The following EIF4G3 variants were observed in gnomAD, a reference collection of about 807,000 sequenced individuals.
EIF4G3 encodes eukaryotic translation initiation factor 4 gamma 3.
A neutral mutation model predicts 186.4 loss-of-function variants in EIF4G3; 34 were observed. That is an observed-to-expected ratio of 0.18 (90% CI 0.14 to 0.24). The LOEUF is 0.24. Among genes scored for constraint, EIF4G3 ranks in the 10% least tolerant of loss-of-function variants. The probability of loss-of-function intolerance (pLI) is 1.00; values close to 1 mark genes in which losing one functional copy is unlikely to be tolerated. For synonymous variants in EIF4G3, 673 were observed against 679.5 expected (o/e 0.99, Z 0.15); for missense variants, 1,536 against 1,948.5 (o/e 0.79, Z 3.99).
At chr1:20,807,594 G>A in intron 36 of EIF4G3, 94 bp from the exon 37 acceptor site, 3 of 1,108,928 alleles carry the variant, frequency 2.7e-6, no homozygotes, top group Non-Finnish European at 3.6e-6. Flanking sequence ...GAATAAATGT[G>A]CATTAATTCC....
chr1:21,059,737 A>G (rs2094787518), intron 3 of EIF4G3, among the ~76,000 whole-genome samples: 1 of 152,236 alleles, frequency 6.6e-6, no homozygotes, highest in Non-Finnish European at 1.5e-5. Context: ...TGTATGTTCT[A>G]CTATGGACTT....
At chr1:20,899,561 G>T in intron 16 of EIF4G3, 136 bp downstream of exon 16, 1 of 1,106,594 alleles carries the variant, frequency 9.0e-7, no homozygotes. Context: ...ACTTGGGCTT[G>T]CTGATCTGTC....
chr1:20,822,693 G>C (rs751095284), intron 33 of EIF4G3, among the ~76,000 whole-genome samples: 22 of 150,718 alleles, frequency 1.5e-4, no homozygotes, highest in Non-Finnish European at 2.5e-4. Context: ...CAAAGTGTTG[G>C]GATTATAGGC....
chr1:20,840,262 G>C (rs1220802396), intron 30 of EIF4G3, among the ~76,000 whole-genome samples: 3 of 152,176 alleles, frequency 2.0e-5, no homozygotes, highest in Non-Finnish European at 4.4e-5. Flanking sequence ...ACCAGAACCT[G>C]ATCAAATGAG....
chr1:20,832,385 T>C, intron 30 of EIF4G3, among the ~76,000 whole-genome samples: 2 of 54,392 alleles, frequency 3.7e-5, no homozygotes, highest in African/African-American at 5.1e-5. Context: ...TTTCATGTGT[T>C]TTTTGGCTGC....
chr1:21,053,875 G>A (rs191597741), intron 3 of EIF4G3, among the ~76,000 whole-genome samples: 50,696 of 144,150 alleles, frequency 0.35, 8,891 homozygotes, highest in Non-Finnish European at 0.41. Flanking sequence ...CCGGCCAGCC[G>A]CCCCGTCTGC....
At position 21,051,565 on chromosome 1, in the gene EIF4G3, T is replaced by C. The variant is rs137926334; in HGVS notation, c.-195-571A>G. Among the ~76,000 whole-genome samples the C allele has an allele frequency of 4.1e-3, 617 of 152,310 alleles. 7 individuals carry two copies. The highest frequency in any genetic ancestry group is 0.013 in the African/African-American group (548 of 41,564). On this transcript the variant is annotated intron_variant, in intron 3 of 36. Coordinates refer to ENST00000602326, the MANE Select transcript of EIF4G3 (RefSeq NM_001391906.1). ...TCTCATTTTTGTCTTTAAAAACATA[T>C]ATCTGGCCAGATGCTGTGGCTTATG...
At position 21,002,693 on chromosome 1, in the gene EIF4G3, T is replaced by C. The variant is rs530346600; in HGVS notation, c.30+20A>G. ...ACACAGGTAGAGAATGTAATTTGGT[T>C]CAAGCTTCTGCTTACTTACCGGAGA... On this transcript the variant is annotated intron_variant, in intron 5 of 36. Coordinates refer to ENST00000602326, the MANE Select transcript of EIF4G3 (RefSeq NM_001391906.1). 3 of 1,612,260 alleles carry C rather than the reference T, an allele frequency of 1.9e-6. No homozygotes were observed. In the South Asian group the frequency reaches 3.3e-5, roughly 18 times the overall value.
chr1:20,941,764 G>A lies in EIF4G3; in HGVS notation c.1390C>T (p.Pro464Ser). Residue 464 changes from proline (P) to serine (S), a missense_variant, in exon 14 of 37, where the codon CCT becomes TCT. By Grantham distance (74) the Pro-to-Ser change is moderately conservative (BLOSUM62 -1). Around this residue, in one of 11 missense-constraint regions of EIF4G3, gnomAD observed 560 missense variants for 547.8 expected, o/e 1.02. Coordinates refer to ENST00000602326, the MANE Select transcript of EIF4G3 (RefSeq NM_001391906.1). ...KLECIPAPITPSTVPSFPPTP... is the reference protein window; with the variant it reads ...KLECIPAPITSSTVPSFPPTP... ...GGAGGAAAGGAAGGAACTGTGGAAGGGGTGATGGGAGCTGGGATACACTCC... is the reference window on the plus strand; with the variant it reads ...GGAGGAAAGGAAGGAACTGTGGAAGAGGTGATGGGAGCTGGGATACACTCC... 1.9e-6 allele frequency: 3 copies of A among 1,611,786 alleles called. No individual in the cohort carries two copies. The highest frequency in any genetic ancestry group is 2.5e-6 in the Non-Finnish European group (3 of 1,178,770).
At chr1:21,099,835 A>G (rs897626005) in intron 2 of EIF4G3, among the ~76,000 whole-genome samples, 1 of 152,212 alleles carries the variant, frequency 6.6e-6, no homozygotes, top group South Asian at 2.1e-4. Flanking sequence ...TAAGCAATAG[A>G]GTCACCATAT....
intron 3 of EIF4G3, among the ~76,000 whole-genome samples, chr1:21,053,440 C>A (rs1380095509): frequency 1.3e-5 from 2 of 151,196 alleles, no homozygotes; most frequent in African/African-American, 4.9e-5. Flanking sequence ...CACCCCCCGG[C>A]CAGCCGCCCC....
Position 20,942,146 on chromosome 1 carries a change from T to C in EIF4G3, c.1008A>G (p.Ala336=). 6.2e-7 allele frequency: 1 copy of C among 1,614,110 alleles called. No homozygotes were observed. Among genetic ancestry groups the C allele is most frequent in the Non-Finnish European group, 8.5e-7 (1 of 1,179,988 alleles). The change falls in exon 14 of 37, where the codon GCA becomes GCG. Residue 336 remains alanine, a synonymous_variant. Transcript: ENST00000602326. ...TVSSVARSTI[A]APTSSALSSQ... ...TACTAAGAGCAGAAGAGGTGGGGGC[T>C]GCAATTGTACTTCGAGCAACAGAAG...
At chr1:21,144,021 C>G (rs1256169835) in intron 2 of EIF4G3, among the ~76,000 whole-genome samples, 1 of 152,176 alleles carries the variant, frequency 6.6e-6, no homozygotes, top group Non-Finnish European at 1.5e-5. Context: ...GCATGAGACA[C>G]TATGCCAGAC....
At chr1:21,092,442 CTCT>C (rs1463560702) in intron 2 of EIF4G3, among the ~76,000 whole-genome samples, 1 of 152,080 alleles carries the variant, frequency 6.6e-6, no homozygotes, top group Non-Finnish European at 1.5e-5. Context: ...GTCTAAAATT[CTCT>C]TTTTTTGTTG....
chr1:20,928,100 T>G (rs17450586), intron 14 of EIF4G3, among the ~76,000 whole-genome samples: 59,715 of 151,944 alleles, frequency 0.39, 12,468 homozygotes, highest in Middle Eastern at 0.52. Flanking sequence ...GGTGGTACAT[T>G]CAATACCAAG....
intron 2 of EIF4G3, among the ~76,000 whole-genome samples, chr1:21,170,258 AG>A (rs2097932116): frequency 6.6e-6 from 1 of 152,206 alleles, no homozygotes; most frequent in South Asian, 2.1e-4. Context: ...GCAGTATTCT[AG>A]GTGCTAGCAA....
chr1:21,107,905 T>C (rs1333510483), intron 2 of EIF4G3, among the ~76,000 whole-genome samples: 1 of 152,234 alleles, frequency 6.6e-6, no homozygotes, highest in Non-Finnish European at 1.5e-5. Context: ...CCCAGAACTT[T>C]GGGAGGCCAA....
intron 4 of EIF4G3, among the ~76,000 whole-genome samples, chr1:21,013,986 A>G (rs1185888250): frequency 6.6e-6 from 1 of 152,216 alleles, no homozygotes; most frequent in Non-Finnish European, 1.5e-5. Context: ...CCTGGCCTAC[A>G]TGGTGAAACT....
chr1:20,892,603 A>T, intron 18 of EIF4G3: 1 of 1,482,906 alleles, frequency 6.7e-7, no homozygotes. Context: ...TACAAAAAAC[A>T]AAGTGTTCAG....
Sources: gnomAD v4.1 joint callset for allele counts (sites outside exome capture counted in the v4.1 genomes callset) on GRCh38, gnomAD v4.1.1 for gene constraint, gnomAD v4.1.1 regional missense constraint, MANE v1.5 for transcripts, NCBI Gene and HGNC (gene_info 2026-07-23, HGNC 2026-07-21) for gene names.